TRRAP: variants seen among roughly 807,000 people sequenced by gnomAD.
TRRAP encodes the protein transformation/transcription domain-associated protein.
TRRAP carries 41 observed loss-of-function variants against 438.8 expected under a neutral mutation model. The observed-to-expected ratio is 0.09, with a 90% CI of 0.07 to 0.12. TRRAP has a LOEUF of 0.12. Ranked by LOEUF, TRRAP falls within the 10% of genes least tolerant of loss-of-function variation. The pLI is 1.00. For synonymous variants in TRRAP, 1,994 were observed against 1,962.9 expected (o/e 1.02, Z -0.42); for missense variants, 3,122 against 5,055.1 (o/e 0.62, Z 11.60).
intron 3 of TRRAP, among the ~76,000 whole-genome samples, chr7:98,888,300 G>A (rs1554404274): frequency 1.7e-4 from 26 of 151,710 alleles, no homozygotes; most frequent in Non-Finnish European, 1.5e-5. Flanking sequence ...ACTTTGGGAG[G>A]CCAAAGCAGG....
rs140553884 is a variant in TRRAP, at chr7:98,935,651, G to T, written c.4087G>T (p.Val1363Leu). 19 of 1,598,960 alleles carry T rather than the reference G, an allele frequency of 1.2e-5. No individual in the cohort carries two copies. Among genetic ancestry groups the T allele is most frequent in the Non-Finnish European group, 1.6e-5 (19 of 1,168,002 alleles). ...CTGTTATAAAAGCCTTCCGTCACTC[G>T]TACCTTTACGAATTGCGGCATTAAG... ...LPCYKSLPSLVPLRIAALNAL... is the reference protein window; with the variant it reads ...LPCYKSLPSLLPLRIAALNAL... Residue 1363 changes from valine to leucine, a missense_variant, in exon 28 of 73, where the codon GTA becomes TTA. By Grantham distance (32) the Val-to-Leu change is conservative. Coordinates refer to ENST00000456197, the MANE Select transcript of TRRAP (RefSeq NM_001375524.1).
In TRRAP at chr7:98,976,103, A is replaced by AC; in HGVS notation, c.7840-41dup. On this transcript the variant is annotated intron_variant, in intron 53 of 72. Coordinates refer to ENST00000456197, the MANE Select transcript of TRRAP (RefSeq NM_001375524.1). The surrounding 1 kb of genome is among the most constrained non-coding windows in gnomAD (Gnocchi z 4.6). ...TCTTCTGAGCGTGGTTGTGCGAGGC[A>AC]CCCCCAGCCCGTGGCCATCTCAGCC... 6.2e-7 allele frequency: 1 copy of AC among 1,606,982 alleles called. No individual in the cohort carries two copies. Among genetic ancestry groups the AC allele is most frequent in the East Asian group, 2.2e-5 (1 of 44,704 alleles).
At chr7:98,922,938 G>A (rs1789867628) in intron 21 of TRRAP, among the ~76,000 whole-genome samples, 1 of 152,066 alleles carries the variant, frequency 6.6e-6, no homozygotes, top group Non-Finnish European at 1.5e-5. Flanking sequence ...CATTGGGGAG[G>A]GAGAAGCTGG....
chr7:98,917,093 T>C (rs1789550895), intron 19 of TRRAP, among the ~76,000 whole-genome samples: 1 of 152,184 alleles, frequency 6.6e-6, no homozygotes, highest in Non-Finnish European at 1.5e-5. Context: ...TAAAAACTGT[T>C]TAGAGAATAG....
intron 62 of TRRAP, among the ~76,000 whole-genome samples, chr7:98,986,218 T>C (rs1308614160): frequency 6.6e-6 from 1 of 152,276 alleles, no homozygotes; most frequent in Non-Finnish European, 1.5e-5. Context: ...GTTCCTACTT[T>C]TTAGCTACAT....
intron 6 of TRRAP, 92 bp downstream of exon 6, chr7:98,893,973 A>G (rs1397279162): frequency 3.4e-6 from 4 of 1,167,114 alleles, no homozygotes; most frequent in African/African-American, 1.5e-5. Context: ...GGCTGAACAC[A>G]TACTGTTTTC....
chr7:98,889,386 A>G (rs571325566), intron 3 of TRRAP, among the ~76,000 whole-genome samples: 9 of 152,236 alleles, frequency 5.9e-5, no homozygotes, highest in African/African-American at 1.9e-4. Context: ...AACTTTGCAT[A>G]TATTAACTCA....
intron 11 of TRRAP, 71 bp from the exon 12 acceptor site, chr7:98,903,308 C>G (rs1440565999): frequency 1.3e-6 from 2 of 1,573,004 alleles, no homozygotes; most frequent in Non-Finnish European, 1.7e-6. Flanking sequence ...TTTTAAGAAG[C>G]TGATAACATT....
chr7:98,992,886 C>G (rs140932695), intron 65 of TRRAP, among the ~76,000 whole-genome samples: 1 of 152,262 alleles, frequency 6.6e-6, no homozygotes, highest in East Asian at 1.9e-4. Flanking sequence ...CAGCTCTAAC[C>G]TCTGGGGAGT....
rs1584365966 is a variant in TRRAP, at chr7:98,962,547, G to A, written c.6829+120G>A. The A allele has an allele frequency of 4.5e-6, 7 of 1,555,716 alleles. No homozygotes were observed. In the East Asian group the frequency reaches 6.8e-5, roughly 15 times the overall value. ...GTTGGGCAGAGCTTTGAGCCGCTGC[G>A]TTGTTCAGGTGTCTGTTGCCTGGGG... On this transcript the variant is annotated intron_variant, in intron 47 of 72. Coordinates refer to ENST00000456197, the MANE Select transcript of TRRAP (RefSeq NM_001375524.1).
intron 12 of TRRAP, 99 bp downstream of exon 12, chr7:98,903,616 G>T: frequency 6.6e-7 from 1 of 1,523,754 alleles, no homozygotes; most frequent in African/African-American, 1.4e-5. Context: ...AGGTTTCCAT[G>T]TATCCTTGCT....
Position 98,978,832 on chromosome 7 carries a change from C to T in TRRAP, c.8562C>T (p.Ile2854=). The part of the protein sequence containing the change: ...LTEYGQSKGH[I]NPYLVLECAW... ...AGTACGGTCAGTCCAAAGGCCACAT[C>T]AACCCCTACCTCGTCCTGGAGTGCG... The change falls in exon 58 of 73, where the codon ATC becomes ATT. Residue 2854 remains isoleucine (I), a synonymous_variant. Transcript: ENST00000456197. The T allele has an allele frequency of 6.2e-7, 1 of 1,614,258 alleles. No individual in the cohort carries two copies. Among genetic ancestry groups the T allele is most frequent in the Non-Finnish European group, 8.5e-7 (1 of 1,180,050 alleles).
At chr7:98,983,850 G>A (rs900341156) in intron 60 of TRRAP, among the ~76,000 whole-genome samples, 75 of 152,188 alleles carry the variant, frequency 4.9e-4, no homozygotes, top group African/African-American at 1.7e-3. Flanking sequence ...AGGCATCCAC[G>A]TGTTTAGAGC....
rs878932537 is a variant in TRRAP, at chr7:98,981,914, G to A, written c.8780G>A (p.Arg2927Gln). The A allele has an allele frequency of 2.5e-6, 4 of 1,609,076 alleles. No homozygotes were observed. The highest frequency in any genetic ancestry group is 3.4e-6 in the Non-Finnish European group (4 of 1,178,862). The change falls in exon 59 of 73, where the codon CGG becomes CAG. Residue 2927 changes from arginine to glutamine, a missense_variant. Physicochemically the swap from Arg to Gln is conservative, Grantham distance 43. Around this residue, in one of 24 missense-constraint regions of TRRAP, gnomAD observed 992 missense variants for 1,281.2 expected, o/e 0.77. Coordinates refer to ENST00000456197, the MANE Select transcript of TRRAP (RefSeq NM_001375524.1). ...MASSLAIREW[R>Q]RLPHVVSHVH... ...AGCAGCCTGGCCATCCGCGAGTGGCGGCGGCTGCCCCACGTAGTGTCCCAC... is the reference window on the plus strand; with the variant it reads ...AGCAGCCTGGCCATCCGCGAGTGGCAGCGGCTGCCCCACGTAGTGTCCCAC...
Position 98,981,952 on chromosome 7 carries a change from C to T in TRRAP, c.8818C>T (p.Leu2940Phe). 6.3e-7 allele frequency: 1 copy of T among 1,593,178 alleles called. No individual in the cohort carries two copies. Among genetic ancestry groups the T allele is most frequent in the South Asian group, 1.1e-5 (1 of 88,882 alleles). The change falls in exon 59 of 73, where the codon CTC (leucine) becomes TTC (phenylalanine). Residue 2940 changes from leucine to phenylalanine, a missense_variant. By Grantham distance (22) the Leu-to-Phe change is conservative (BLOSUM62 0). Transcript: ENST00000456197. ...PHVVSHVHTP[L>F]LQAAQQIIEL... Reference sequence around the variant, plus strand: ...CGTAGTGTCCCACGTGCACACGCCTCTCCTACAGGTGCGTGCGGTGCCCCC... The same window carrying T: ...CGTAGTGTCCCACGTGCACACGCCTTTCCTACAGGTGCGTGCGGTGCCCCC...
intron 35 of TRRAP, among the ~76,000 whole-genome samples, 189 bp from the exon 36 acceptor site, chr7:98,949,226 CTG>C (rs1480925032): frequency 6.6e-6 from 1 of 151,428 alleles, no homozygotes; most frequent in East Asian, 1.9e-4. Flanking sequence ...ACCCAAGACT[CTG>C]TCTCTTTTTA....
At chr7:98,947,300 G>A (rs1170257362) in intron 33 of TRRAP, among the ~76,000 whole-genome samples, 7 of 152,316 alleles carry the variant, frequency 4.6e-5, no homozygotes, top group Admixed American at 2.6e-4. Context: ...TTAATTCAGC[G>A]GAGCAGTTTG....
At chr7:98,891,246 C>G (rs1330387115) in intron 4 of TRRAP, among the ~76,000 whole-genome samples, 1 of 138,188 alleles carries the variant, frequency 7.2e-6, no homozygotes, top group Non-Finnish European at 1.5e-5. Flanking sequence ...GAGTCTCGCT[C>G]TGTCACCCAG....
chr7:98,956,201 G>A lies in TRRAP; in HGVS notation c.5993G>A (p.Arg1998Lys), dbSNP rs1554419724. 6.2e-7 allele frequency: 1 copy of A among 1,613,402 alleles called. No individual in the cohort carries two copies. The highest frequency in any genetic ancestry group is 2.2e-5 in the East Asian group (1 of 44,874). Residue 1998 changes from arginine to lysine, a missense_variant, in exon 42 of 73, where the codon AGG becomes AAG. Physicochemically the swap from Arg to Lys is conservative, Grantham distance 26 (BLOSUM62 2). Transcript: ENST00000456197. The surrounding 1 kb of genome is among the most constrained non-coding windows in gnomAD (Gnocchi z 4.5). ...CAGCACATGGTGAGCGCCATGCAGAGGCTGGGCTTCACGCCCAGTGTCACC... is the reference window on the plus strand; with the variant it reads ...CAGCACATGGTGAGCGCCATGCAGAAGCTGGGCTTCACGCCCAGTGTCACC... Reference protein sequence around the residue: ...LVQHMVSAMQRLGFTPSVTIE... With the variant: ...LVQHMVSAMQKLGFTPSVTIE...
Sources: gnomAD v4.1 joint callset for allele counts (sites outside exome capture counted in the v4.1 genomes callset) on GRCh38, gnomAD v4.1.1 for gene constraint, gnomAD v4.1.1 regional missense constraint, Gnocchi (gnomAD v3.1) non-coding constraint, MANE v1.5 for transcripts, NCBI Gene and HGNC (gene_info 2026-07-23, HGNC 2026-07-21) for gene names.